FAM186A: variants seen among roughly 807,000 people sequenced by gnomAD.
FAM186A encodes the protein family with sequence similarity 186 member A.
In FAM186A, 163 loss-of-function variants were observed where a neutral mutation model predicts 216.8. The observed-to-expected ratio is 0.75, with a 90% confidence interval of 0.66 to 0.86. The LOEUF is 0.86. Among genes scored for constraint, FAM186A ranks in the 40% least tolerant of loss-of-function variants. FAM186A has a pLI of 0.00. For missense variants in FAM186A, 2,184 were observed against 2,746.2 expected, an observed-to-expected ratio of 0.80 and a Z score of 4.58; for synonymous variants, 805 against 1,025.3, an observed-to-expected ratio of 0.79 and a Z score of 4.10.
In FAM186A at chr12:50,334,037, G is replaced by A; in HGVS notation, c.6570C>T (p.Leu2190=). 6.4e-7 allele frequency: 1 copy of A among 1,551,662 alleles called. No homozygotes were observed. The highest frequency in any genetic ancestry group is 8.7e-7 in the Non-Finnish European group (1 of 1,146,990). ...NTGKGYEARN[L]HMMLSRLDDY... ...CATCAAGTCTGCTCAGCATCATGTG[G>A]AGGTTCCTGGCCTCATAGCCTTTCC... The change falls in exon 5 of 8, where the codon CTC becomes CTT. Residue 2190 remains leucine, a synonymous_variant. Transcript: ENST00000327337.
rs1032918924 is a variant in FAM186A at position 50,350,807 on chromosome 12, T to C, written c.6025A>G (p.Ile2009Val). The change falls in exon 4 of 8, where the codon ATA becomes GTA. Residue 2009 changes from isoleucine to valine, a missense_variant. Ile to Val is a conservative substitution (Grantham distance 29). Transcript: ENST00000327337. ...GACTGAAATGTTCTAAATGATTCTA[T>C]AGCAAAAGTGTCTCGAAGTATCTGG... is the stretch of plus-strand genomic sequence containing the variant. The part of the protein sequence containing the change: ...ETQILRDTFA[I>V]ESFRTFQSHF... The C allele has an allele frequency of 1.3e-6, 2 of 1,551,710 alleles. No individual in the cohort carries two copies. Among genetic ancestry groups the C allele is most frequent in the Non-Finnish European group, 1.7e-6 (2 of 1,147,002 alleles).
intron 1 of FAM186A, among the ~76,000 whole-genome samples, chr12:50,370,887 A>T (rs1474796923): frequency 6.6e-6 from 1 of 151,948 alleles, no homozygotes. Context: ...ACTTGAGGTC[A>T]GGGGTTTGAG....
chr12:50,391,368 T>C (rs764613689), intron 1 of FAM186A, among the ~76,000 whole-genome samples: 41 of 151,506 alleles, frequency 2.7e-4, no homozygotes, highest in Non-Finnish European at 5.3e-4. Flanking sequence ...CAGGCTGGAG[T>C]GCAGTGGCGC....
At position 50,354,443 on chromosome 12, in the gene FAM186A, C is replaced by T. The variant is rs1343506144; in HGVS notation, c.2389G>A (p.Ala797Thr). The T allele has an allele frequency of 6.4e-6, 10 of 1,551,358 alleles. No individual in the cohort carries two copies. The highest frequency in any genetic ancestry group is 8.7e-6 in the Non-Finnish European group (10 of 1,146,998). ...ATATCTCTTTCACTTTCTATTTCAG[C>T]CAAGATCATTTGTATTAAATTGTTA... The part of the protein sequence containing the change: ...VINNLIQMIL[A>T]EIESERDIPT... The change falls in exon 4 of 8, where the codon GCT becomes ACT. Residue 797 changes from alanine (A) to threonine (T), a missense_variant. Around this residue, in one of 7 missense-constraint regions of FAM186A, gnomAD observed 1,132 missense variants for 1,263.4 expected, o/e 0.90. Coordinates refer to ENST00000327337, the MANE Select transcript of FAM186A (RefSeq NM_001145475.3).
chr12:50,370,123 C>CAAAGAAAAAAA (rs1943129459), intron 1 of FAM186A, among the ~76,000 whole-genome samples: 1 of 38,442 alleles, frequency 2.6e-5, no homozygotes, highest in Non-Finnish European at 4.0e-5. Flanking sequence ...GACTCCATCT[C>CAAAGAAAAAAA]AAAAAAAAAA....
At chr12:50,374,619 C>T (rs1314802677) in intron 1 of FAM186A, among the ~76,000 whole-genome samples, 1 of 151,864 alleles carries the variant, frequency 6.6e-6, no homozygotes, top group African/African-American at 2.4e-5. Context: ...AAAAGAAGCT[C>T]GATAATAAAT....
At chr12:50,358,945 C>T (rs1445753334) in intron 3 of FAM186A, among the ~76,000 whole-genome samples, 1 of 122,440 alleles carries the variant, frequency 8.2e-6, no homozygotes, top group African/African-American at 3.0e-5. Context: ...AAAGTTAAAA[C>T]TCAATTTCAA....
chr12:50,385,566 TA>T (rs1013543017), intron 1 of FAM186A, among the ~76,000 whole-genome samples: 2 of 151,518 alleles, frequency 1.3e-5, no homozygotes, highest in Admixed American at 1.3e-4. Flanking sequence ...TACATCAAAC[TA>T]AAAGGCTTCT....
chr12:50,346,854 A>G (rs1041104088), intron 4 of FAM186A, among the ~76,000 whole-genome samples: 2 of 151,642 alleles, frequency 1.3e-5, no homozygotes, highest in Non-Finnish European at 3.0e-5. Flanking sequence ...TTCAAAAATA[A>G]AATAAAATAA....
intron 2 of FAM186A, 148 bp downstream of exon 2, chr12:50,362,997 C>T: frequency 1.5e-6 from 1 of 679,472 alleles, no homozygotes; most frequent in Non-Finnish European, 2.3e-6. Flanking sequence ...TATTTTATTC[C>T]TACTGGAATA....
rs1565885660 is a variant in FAM186A, at chr12:50,353,171, G to A, written c.3661C>T (p.Pro1221Ser). ...QAQELGIPLT[P>S]QQAQALGITL... The stretch of plus-strand genomic sequence containing the variant: ...ATCCCCAGGGCCTGGGCCTGCTGAG[G>A]GGTGAGAGGGATCCCCAATTCCTGA... The change falls in exon 4 of 8, where the codon CCT (proline) becomes TCT (serine). Residue 1221 changes from proline (P) to serine (S), a missense_variant. Physicochemically the swap from Pro to Ser is moderately conservative, Grantham distance 74 (BLOSUM62 -1). This residue lies in a region of FAM186A where 267 missense variants were observed against 446.2 expected (regional missense o/e 0.60). Transcript: ENST00000327337. 1 of 1,483,974 alleles carries A rather than the reference G, an allele frequency of 6.7e-7. No individual in the cohort carries two copies. Among genetic ancestry groups the A allele is most frequent in the African/African-American group, 1.4e-5 (1 of 70,122 alleles). 91.9% of individuals were successfully genotyped at this position (1,483,974 alleles called of 1,614,324 possible).
At position 50,370,384 on chromosome 12, in the gene FAM186A, A is replaced by C. The variant is rs139350526; in HGVS notation, c.193-7020T>G. On this transcript the variant is annotated intron_variant, in intron 1 of 7. Coordinates refer to ENST00000327337, the MANE Select transcript of FAM186A (RefSeq NM_001145475.3). ...TCCAAAAAAGATATACAAATGGCCC[A>C]AAAATATATGAAAATATGTTCAACG... Among the ~76,000 whole-genome samples, 155 of 152,262 alleles carry C rather than the reference A, an allele frequency of 1.0e-3. 1 individual carries two copies. The East Asian group carries it at 0.018, about 18-fold the overall frequency.
intron 6 of FAM186A, among the ~76,000 whole-genome samples, chr12:50,331,250 CT>C (rs895186457): frequency 2.0e-5 from 3 of 151,222 alleles, no homozygotes; most frequent in East Asian, 1.9e-4. Flanking sequence ...AATTAATACT[CT>C]TTTTTTTTGA....
At chr12:50,374,874 C>T (rs1943182471) in intron 1 of FAM186A, among the ~76,000 whole-genome samples, 1 of 152,130 alleles carries the variant, frequency 6.6e-6, no homozygotes. Context: ...CATGTAAAAA[C>T]TCCCAAAGAA....
In FAM186A at chr12:50,394,569, T is replaced by C. The variant is rs551490800; in HGVS notation, c.192+1724A>G. ...GTCTGCCTCAAAAAAAAAAATCTAT[T>C]TATCTATCTATCTATCTACCTATCT... On this transcript the variant is annotated intron_variant, in intron 1 of 7. Coordinates refer to ENST00000327337, the MANE Select transcript of FAM186A (RefSeq NM_001145475.3). 1.8e-4 allele frequency among the ~76,000 whole-genome samples: 27 copies of C among 151,068 alleles called. No homozygotes were observed. The East Asian group carries it at 3.5e-3, about 20-fold the overall frequency.
chr12:50,356,556 T>C (rs1440713238), intron 3 of FAM186A, among the ~76,000 whole-genome samples: 2 of 152,070 alleles, frequency 1.3e-5, no homozygotes, highest in African/African-American at 4.8e-5. Flanking sequence ...TCCACCCACC[T>C]CAGCCTCCCT....
In FAM186A at chr12:50,350,366, G is replaced by T. The variant is rs192451858; in HGVS notation, c.6466C>A (p.Arg2156Ser). ...MDTVQLGYLF[R>S]KYIAYRLIQH... The stretch of plus-strand genomic sequence containing the variant: ...ATCAGCCTATAGGCAATGTACTTGC[G>T]GAATAAGTATCCCAACTGAACTGTG... Residue 2156 changes from arginine (R) to serine (S), a missense_variant, in exon 4 of 8, where the codon CGC becomes AGC. Around this residue, in one of 7 missense-constraint regions of FAM186A, gnomAD observed 721 missense variants for 816.4 expected, o/e 0.88. Coordinates refer to ENST00000327337, the MANE Select transcript of FAM186A (RefSeq NM_001145475.3). 1 of 1,550,486 alleles carries T rather than the reference G, an allele frequency of 6.4e-7. No homozygotes were observed. The highest frequency in any genetic ancestry group is 1.4e-5 in the African/African-American group (1 of 72,972).
In FAM186A at chr12:50,350,352, G is replaced by A. The variant is rs1942861882; in HGVS notation, c.6480C>T (p.Ala2160=). The part of the protein sequence containing the change: ...QLGYLFRKYI[A]YRLIQHARNN... ...ACCTGGCATGCTGGATCAGCCTATA[G>A]GCAATGTACTTGCGGAATAAGTATC... The change falls in exon 4 of 8, where the codon GCC becomes GCT. Residue 2160 remains alanine, a synonymous_variant. Coordinates refer to ENST00000327337, the MANE Select transcript of FAM186A (RefSeq NM_001145475.3). 4 of 1,549,704 alleles carry A rather than the reference G, an allele frequency of 2.6e-6. No individual in the cohort carries two copies. The South Asian group carries it at 4.8e-5, about 18-fold the overall frequency.
At chr12:50,334,591 C>A (rs1451580594) in intron 4 of FAM186A, among the ~76,000 whole-genome samples, 1 of 151,898 alleles carries the variant, frequency 6.6e-6, no homozygotes, top group Non-Finnish European at 1.5e-5. Flanking sequence ...GATTCTCATG[C>A]CTCAGCCTCC....
Sources: allele counts gnomAD v4.1 joint callset (sites outside exome capture counted in the v4.1 genomes callset), GRCh38; gene constraint gnomAD v4.1.1; regional missense constraint gnomAD v4.1.1; transcripts MANE v1.5; gene names NCBI Gene and HGNC (gene_info 2026-07-23, HGNC 2026-07-21).